TRIQK: variants seen among roughly 807,000 people sequenced by gnomAD.
TRIQK encodes the protein triple QxxK/R motif containing.
Under a neutral mutation model 10.8 loss-of-function variants are expected in TRIQK, and 10 were observed. The ratio of observed to expected loss-of-function variants is 0.92; its 90% CI spans 0.57 to 1.57. The LOEUF (loss-of-function observed/expected upper bound fraction) is 1.57. Ranked by LOEUF, TRIQK falls within the 40% of genes most tolerant of loss-of-function variation. The pLI, the probability that TRIQK is intolerant of heterozygous loss-of-function variation, is 0.00. For synonymous variants in TRIQK, 33 were observed against 33.7 expected (o/e 0.98, Z 0.07); for missense variants, 107 against 97.7 (o/e 1.09, Z -0.40).
Position 92,884,570 on chromosome 8 carries a change from T to C in TRIQK, c.*2052A>G, listed in dbSNP as rs1816372624. On this transcript the variant is annotated 3_prime_UTR_variant, in exon 5 of 5. Coordinates refer to ENST00000521988, the MANE Select transcript of TRIQK (RefSeq NM_001171797.2). Reference sequence around the variant, plus strand: ...AGATTAATAGTTATCAAAAACATTTTTCCCCAAAAAATACCTCAAGGGTAA... The same window carrying C: ...AGATTAATAGTTATCAAAAACATTTCTCCCCAAAAAATACCTCAAGGGTAA... 3.1e-6 allele frequency: 1 copy of C among 320,306 alleles called. No homozygotes were observed. The highest frequency in any genetic ancestry group is 6.1e-6 in the Non-Finnish European group (1 of 162,796). The allele number at this position is 320,306 out of a possible 1,614,324, so 19.8% of individuals were successfully genotyped here.
At chr8:92,896,973 C>A (rs538574024) in intron 3 of TRIQK, among the ~76,000 whole-genome samples, 190 of 151,972 alleles carry the variant, frequency 1.3e-3, no homozygotes, top group African/African-American at 4.4e-3. Flanking sequence ...TGCACCACCA[C>A]GCCTGGCTAA....
At chr8:92,950,360 T>A (rs1183740871) in intron 2 of TRIQK, among the ~76,000 whole-genome samples, 1 of 152,170 alleles carries the variant, frequency 6.6e-6, no homozygotes, top group Non-Finnish European at 1.5e-5. Flanking sequence ...ACATACTTAG[T>A]GCATGTACAT....
At chr8:92,892,408 A>G (rs1239756491) in intron 3 of TRIQK, among the ~76,000 whole-genome samples, 1 of 151,980 alleles carries the variant, frequency 6.6e-6, no homozygotes, top group Non-Finnish European at 1.5e-5. Context: ...AAATGAGTAT[A>G]TGTAAGATCC....
At chr8:92,993,676 C>A (rs899120660) in intron 1 of TRIQK, among the ~76,000 whole-genome samples, 1 of 152,160 alleles carries the variant, frequency 6.6e-6, no homozygotes, top group Non-Finnish European at 1.5e-5. Flanking sequence ...TCCCTAAAAC[C>A]TTGGCAATAG....
upstream of TRIQK, among the ~76,000 whole-genome samples, chr8:92,968,553 T>A (rs1347857573): frequency 6.6e-6 from 1 of 152,212 alleles, no homozygotes; most frequent in Non-Finnish European, 1.5e-5. Flanking sequence ...TAATGACCAG[T>A]GATAATGAGC....
At chr8:92,917,054 T>C (rs1809898844) in intron 2 of TRIQK, 44 bp from the exon 3 acceptor site, 1 of 1,249,714 alleles carries the variant, frequency 8.0e-7, no homozygotes, top group Non-Finnish European at 1.1e-6. Context: ...TAAAAAGGAG[T>C]GTCTATAAAA....
At chr8:92,991,869 CAGAG>C (rs750708918) in intron 1 of TRIQK, among the ~76,000 whole-genome samples, 3 of 152,078 alleles carry the variant, frequency 2.0e-5, no homozygotes, top group Non-Finnish European at 2.9e-5. Flanking sequence ...GATAGACAAA[CAGAG>C]AGCCAAACCA....
chr8:92,944,000 G>A (rs757143227), intron 2 of TRIQK, among the ~76,000 whole-genome samples: 7 of 151,768 alleles, frequency 4.6e-5, no homozygotes, highest in Non-Finnish European at 8.8e-5. Context: ...TTAGGAAGTC[G>A]ATCAACTCAA....
intron 1 of TRIQK, among the ~76,000 whole-genome samples, chr8:92,978,035 A>G (rs1000386919): frequency 6.6e-6 from 1 of 152,118 alleles, no homozygotes; most frequent in Non-Finnish European, 1.5e-5. Flanking sequence ...TTCATTTCTC[A>G]AATGCAGATT....
chr8:92,958,789 A>G (rs1812301689), intron 1 of TRIQK, among the ~76,000 whole-genome samples: 1 of 152,036 alleles, frequency 6.6e-6, no homozygotes, highest in Non-Finnish European at 1.5e-5. Flanking sequence ...AGATACAAAT[A>G]TTATAGGCTT....
At chr8:93,009,291 C>T (rs569488398) in intron 1 of TRIQK, among the ~76,000 whole-genome samples, 1 of 152,256 alleles carries the variant, frequency 6.6e-6, no homozygotes, top group South Asian at 2.1e-4. Context: ...TATTACCTTA[C>T]TCCAGTTAGA....
chr8:92,919,386 T>A (rs1437836371), intron 2 of TRIQK, among the ~76,000 whole-genome samples: 1 of 151,910 alleles, frequency 6.6e-6, no homozygotes, highest in African/African-American at 2.4e-5. Flanking sequence ...TTTCAGCATC[T>A]ACTGAAATAA....
rs562924059 is a variant in TRIQK, at chr8:92,906,898, GA to G, written c.61+10030del. ...ACAGAGCGAGACTCCGTCTCAAAAA[GA>G]AAAAAAAAAAAATACTGGACTTAGT... On this transcript the variant is annotated intron_variant, in intron 3 of 4. Transcript: ENST00000521988. 6.7e-3 allele frequency among the ~76,000 whole-genome samples: 868 copies of G among 130,516 alleles called. 9 individuals are homozygous for G. Among genetic ancestry groups the G allele is most frequent in the African/African-American group, 0.02 (708 of 35,696 alleles). 85.6% of individuals were successfully genotyped at this position (130,516 alleles called of 152,430 possible).
At chr8:93,007,789 G>C (rs557562292) in intron 1 of TRIQK, among the ~76,000 whole-genome samples, 26 of 152,328 alleles carry the variant, frequency 1.7e-4, no homozygotes, top group African/African-American at 6.3e-4. Flanking sequence ...GGGATTGAAG[G>C]CTATCTTGCT....
At chr8:92,898,846 TATATATA>T (rs1563616205) in intron 3 of TRIQK, among the ~76,000 whole-genome samples, 1 of 131,886 alleles carries the variant, frequency 7.6e-6, no homozygotes, top group African/African-American at 2.9e-5. Context: ...TATATATATA[TATATATA>T]TATATATATA....
At chr8:92,958,464 T>C (rs979298785) in intron 1 of TRIQK, among the ~76,000 whole-genome samples, 1 of 152,050 alleles carries the variant, frequency 6.6e-6, no homozygotes, top group Non-Finnish European at 1.5e-5. Context: ...TGGCATATAA[T>C]AGTATCCATT....
At chr8:92,989,030 A>G (rs1209889352) in intron 1 of TRIQK, among the ~76,000 whole-genome samples, 5 of 152,210 alleles carry the variant, frequency 3.3e-5, no homozygotes, top group African/African-American at 1.2e-4. Flanking sequence ...TTACAGATGC[A>G]AGAATACATG....
intron 2 of TRIQK, among the ~76,000 whole-genome samples, chr8:92,918,286 G>C (rs546016454): frequency 6.6e-6 from 1 of 151,906 alleles, no homozygotes; most frequent in African/African-American, 2.4e-5. Context: ...TTAGTTTATT[G>C]AGGAACCTCC....
rs999589785 is a variant in TRIQK at position 92,885,398 on chromosome 8, A to T, written c.*1224T>A. On this transcript the variant is annotated 3_prime_UTR_variant, in exon 5 of 5. Coordinates refer to ENST00000521988, the MANE Select transcript of TRIQK (RefSeq NM_001171797.2). ...AAATACAATGTATATAATATAAAAC[A>T]CTTTGTGCACATGTTTCCAACAATT... The T allele has an allele frequency of 1.2e-5, 2 of 162,036 alleles. No individual in the cohort carries two copies. Among genetic ancestry groups the T allele is most frequent in the Non-Finnish European group, 2.7e-5 (2 of 73,462 alleles). The allele number at this position is 162,036 out of a possible 1,614,324, so 10.0% of individuals were successfully genotyped here.
Sources: allele counts gnomAD v4.1 joint callset (sites outside exome capture counted in the v4.1 genomes callset), GRCh38; gene constraint gnomAD v4.1.1; transcripts MANE v1.5; gene names NCBI Gene and HGNC (gene_info 2026-07-23, HGNC 2026-07-21).